IRAG2: variants seen among roughly 807,000 people sequenced by gnomAD.
IRAG2 encodes the protein lymphoid restricted membrane protein.
In IRAG2, 45 loss-of-function variants were observed where a neutral mutation model predicts 69.9. That is an observed-to-expected ratio of 0.64 (90% CI 0.51 to 0.83). IRAG2 has a LOEUF of 0.83. IRAG2 is among the 40% of genes least tolerant of loss of function. IRAG2 has a pLI of 0.00. For synonymous variants in IRAG2, 193 were observed against 202.4 expected (o/e 0.95, Z 0.40); for missense variants, 520 against 587.0 (o/e 0.89, Z 1.18).
In IRAG2 at chr12:25,089,229, C is replaced by T. The variant is rs562808898; in HGVS notation, c.374-385C>T. ...ATTATTACTACTATTATTATTACTA[C>T]TACTGTTCCTGCTACTGCTAATAAA... On this transcript the variant is annotated intron_variant, in intron 11 of 21. Coordinates refer to ENST00000556887, the MANE Select transcript of IRAG2 (RefSeq NM_001366544.2). Among the ~76,000 whole-genome samples the T allele has an allele frequency of 5.9e-5, 9 of 152,252 alleles. No individual in the cohort carries two copies. In the South Asian group the frequency reaches 1.7e-3, roughly 28 times the overall value.
chr12:25,004,689 T>C (rs1198861286), exon 1 of IRAG2: 4 of 1,232,050 alleles, frequency 3.2e-6, no homozygotes, highest in South Asian at 8.2e-5. Context: ...TTCTCACAAG[T>C]TCTGAAAACG....
intron 10 of IRAG2, among the ~76,000 whole-genome samples, chr12:25,085,515 G>GTT (rs1485820167): frequency 1.3e-5 from 2 of 152,204 alleles, no homozygotes; most frequent in African/African-American, 4.8e-5. Flanking sequence ...GTCTGCCAGT[G>GTT]TTGTGTGCTC....
chr12:25,062,082 C>G (rs1396470576), intron 2 of IRAG2, among the ~76,000 whole-genome samples: 4 of 152,062 alleles, frequency 2.6e-5, no homozygotes, highest in Non-Finnish European at 5.9e-5. Flanking sequence ...CTTTCTATTT[C>G]TTTCTGTATG....
chr12:25,067,387 C>T (rs553629745), intron 5 of IRAG2, among the ~76,000 whole-genome samples: 3 of 152,116 alleles, frequency 2.0e-5, no homozygotes, highest in African/African-American at 4.8e-5. Context: ...ATGAAATGGG[C>T]GTCCAGTAAT....
intron 14 of IRAG2, 184 bp from the exon 15 acceptor site, chr12:25,096,726 C>A: frequency 2.1e-6 from 1 of 467,512 alleles, no homozygotes; most frequent in Non-Finnish European, 3.8e-6. Context: ...CGTATATCTA[C>A]CCAGTACCCA....
intron 1 of IRAG2, among the ~76,000 whole-genome samples, chr12:25,054,739 A>G (rs563053055): frequency 6.6e-6 from 1 of 152,290 alleles, no homozygotes; most frequent in African/African-American, 2.4e-5. Flanking sequence ...TTTGCTGCCC[A>G]AAAAACCCAT....
Position 25,094,332 on chromosome 12 carries a change from T to C in IRAG2, c.607-2578T>C, listed in dbSNP as rs144700608. On this transcript the variant is annotated intron_variant, in intron 14 of 21. Transcript: ENST00000556887. ...ATCGAGTTTTCTCAGCAATATTTTG[T>C]TGAAGAGACCATCCTTTCCTCATTG... Among the ~76,000 whole-genome samples, 416 of 152,328 alleles carry C rather than the reference T, an allele frequency of 2.7e-3. 1 individual carries two copies. Among genetic ancestry groups the C allele is most frequent in the African/African-American group, 9.6e-3 (400 of 41,576 alleles).
chr12:25,001,288 T>A (rs1056835703), upstream of IRAG2, among the ~76,000 whole-genome samples: 2 of 150,244 alleles, frequency 1.3e-5, no homozygotes, highest in African/African-American at 2.4e-5. Context: ...CAAAAAAAAT[T>A]AAAAAAAAAT....
At chr12:25,060,912 C>T (rs955675267) in intron 1 of IRAG2, among the ~76,000 whole-genome samples, 1 of 151,954 alleles carries the variant, frequency 6.6e-6, no homozygotes, top group African/African-American at 2.4e-5. Flanking sequence ...AAATGATCCA[C>T]CCACCTTGGT....
intron 12 of IRAG2, among the ~76,000 whole-genome samples, chr12:25,032,793 C>T (rs1944678041): frequency 6.6e-6 from 1 of 152,142 alleles, no homozygotes; most frequent in African/African-American, 2.4e-5. Flanking sequence ...GGGCTCCAAC[C>T]TCATAACTTA....
intron 8 of IRAG2, among the ~76,000 whole-genome samples, chr12:25,024,759 G>T (rs1944608806): frequency 1.3e-5 from 2 of 152,126 alleles, no homozygotes; most frequent in Non-Finnish European, 2.9e-5. Context: ...ATTCAGAGCT[G>T]GTATAGCCAC....
At chr12:25,004,997 A>G (rs2139813509) in intron 1 of IRAG2, 5 of 868,012 alleles carry the variant, frequency 5.8e-6, no homozygotes, top group South Asian at 6.1e-5. Flanking sequence ...CTAAAAAAAA[A>G]TCTACATTAT....
rs180984749 is a variant in IRAG2 at position 25,027,384 on chromosome 12, A to G, written c.1461+518A>G. On this transcript the variant is annotated intron_variant, in intron 9 of 38. Transcript: ENST00000636465. ...CATCCATGATATAGCATGTATTACT[A>G]CCTCTTTTTTTTTCTTTTTTTTTTT... Among the ~76,000 whole-genome samples the G allele has an allele frequency of 3.6e-3, 502 of 137,940 alleles. 4 individuals are homozygous for G. Among genetic ancestry groups the G allele is most frequent in the African/African-American group, 0.013 (489 of 38,226 alleles). 90.5% of individuals were successfully genotyped at this position (137,940 alleles called of 152,430 possible).
chr12:25,089,316 A>C (rs11047822), intron 11 of IRAG2, among the ~76,000 whole-genome samples: 1 of 152,152 alleles, frequency 6.6e-6, no homozygotes. Context: ...CCATGGGATC[A>C]AGTATAGCAA....
chr12:25,062,314 A>G (rs942918800), intron 2 of IRAG2, among the ~76,000 whole-genome samples: 4 of 152,260 alleles, frequency 2.6e-5, no homozygotes, highest in African/African-American at 9.6e-5. Context: ...AAAAAAAACC[A>G]TGTGGAAGAT....
intron 9 of IRAG2, among the ~76,000 whole-genome samples, chr12:25,028,771 C>A (rs1181926852): frequency 6.6e-6 from 1 of 152,158 alleles, no homozygotes; most frequent in Admixed American, 6.5e-5. Context: ...TAAATTTCTA[C>A]ATTCTGATGT....
At chr12:25,037,419 C>T (rs1426573304) in intron 15 of IRAG2, among the ~76,000 whole-genome samples, 1 of 152,160 alleles carries the variant, frequency 6.6e-6, no homozygotes, top group African/African-American at 2.4e-5. Flanking sequence ...CTGCCTCAGA[C>T]TCCCAAGTAG....
intron 15 of IRAG2, among the ~76,000 whole-genome samples, chr12:25,098,077 G>C (rs967008416): frequency 6.6e-6 from 1 of 152,112 alleles, no homozygotes; most frequent in Non-Finnish European, 1.5e-5. Flanking sequence ...ATACTCCACA[G>C]TTAAACATAG....
At chr12:25,054,422 A>G (rs1945094758) in intron 1 of IRAG2, among the ~76,000 whole-genome samples, 1 of 152,184 alleles carries the variant, frequency 6.6e-6, no homozygotes, top group African/African-American at 2.4e-5. Context: ...AGTTTTATAA[A>G]CTACTAAGAA....
Sources: allele counts gnomAD v4.1 joint callset (sites outside exome capture counted in the v4.1 genomes callset), GRCh38; gene constraint gnomAD v4.1.1; transcripts MANE v1.5; gene names NCBI Gene and HGNC (gene_info 2026-07-23, HGNC 2026-07-21).